Variants in INSC observed in about 807,000 individuals in gnomAD.
INSC encodes protein inscuteable homolog.
Under a neutral mutation model 58.6 loss-of-function variants are expected in INSC, and 67 were observed. That is an observed-to-expected ratio of 1.14 (90% CI 0.94 to 1.40). The LOEUF (loss-of-function observed/expected upper bound fraction) is 1.40. INSC is among the 40% of genes most tolerant of loss of function. The pLI, the probability that INSC is intolerant of heterozygous loss-of-function variation, is 0.00. For synonymous variants in INSC, 262 were observed against 276.1 expected, an observed-to-expected ratio of 0.95 and a Z score of 0.51; for missense variants, 714 against 692.0, an observed-to-expected ratio of 1.03 and a Z score of -0.36.
intron 3 of INSC, among the ~76,000 whole-genome samples, chr11:15,176,469 A>G (rs1208297323): frequency 1.3e-5 from 2 of 152,142 alleles, no homozygotes; most frequent in Non-Finnish European, 2.9e-5. Context: ...CCTAAAAGGT[A>G]TAATAATATA....
intron 6 of INSC, among the ~76,000 whole-genome samples, chr11:15,191,552 T>A (rs1038938447): frequency 1.3e-5 from 2 of 152,222 alleles, no homozygotes; most frequent in African/African-American, 4.8e-5. Context: ...GACATCATGT[T>A]TGTAAGACAT....
chr11:15,130,813 AT>A (rs1848107814), intron 1 of INSC, among the ~76,000 whole-genome samples: 1 of 152,076 alleles, frequency 6.6e-6, no homozygotes, highest in African/African-American at 2.4e-5. Flanking sequence ...TAACTTATTT[AT>A]GTTTTCAATG....
intron 9 of INSC, among the ~76,000 whole-genome samples, chr11:15,231,616 C>A (rs1345780780): frequency 6.6e-6 from 1 of 152,196 alleles, no homozygotes; most frequent in Non-Finnish European, 1.5e-5. Flanking sequence ...TAATAGAAAT[C>A]TAAATATTCA....
chr11:15,226,552 A>G (rs1175908723), intron 9 of INSC, among the ~76,000 whole-genome samples: 3 of 152,100 alleles, frequency 2.0e-5, no homozygotes, highest in African/African-American at 7.2e-5. Context: ...TGGGGGTGGT[A>G]GATTAGGTGG....
intron 1 of INSC, among the ~76,000 whole-genome samples, chr11:15,121,718 T>G (rs1291234162): frequency 6.6e-6 from 1 of 152,238 alleles, no homozygotes; most frequent in Non-Finnish European, 1.5e-5. Context: ...ATTTAGTAGT[T>G]GGCATTCTAC....
chr11:15,202,017 G>C (rs368672761), intron 7 of INSC, among the ~76,000 whole-genome samples: 1 of 152,158 alleles, frequency 6.6e-6, no homozygotes, highest in South Asian at 2.1e-4. Context: ...ATTGGGACAG[G>C]GTCATAGAAT....
chr11:15,167,456 G>A (rs1387473978), intron 2 of INSC, among the ~76,000 whole-genome samples: 3 of 151,966 alleles, frequency 2.0e-5, no homozygotes, highest in Admixed American at 6.6e-5. Flanking sequence ...ATAAATAACA[G>A]TTATTTTAAA....
At chr11:15,232,850 C>A (rs10832377) in intron 9 of INSC, among the ~76,000 whole-genome samples, 2 of 151,954 alleles carry the variant, frequency 1.3e-5, no homozygotes, top group East Asian at 1.9e-4. Context: ...CCTCTAGAAG[C>A]TGGAAAATAG....
At chr11:15,172,573 C>T (rs997750185) in intron 2 of INSC, among the ~76,000 whole-genome samples, 10 of 152,178 alleles carry the variant, frequency 6.6e-5, no homozygotes, top group Non-Finnish European at 8.8e-5. Flanking sequence ...AGGGGGAACT[C>T]ATGAGCTCTG....
intron 1 of INSC, among the ~76,000 whole-genome samples, chr11:15,130,895 A>G (rs1355084138): frequency 6.6e-6 from 1 of 151,840 alleles, no homozygotes; most frequent in African/African-American, 2.4e-5. Context: ...AATATCATTT[A>G]TTTGTTTCCT....
intron 2 of INSC, among the ~76,000 whole-genome samples, chr11:15,150,901 C>T (rs1244876452): frequency 6.6e-6 from 1 of 152,204 alleles, no homozygotes; most frequent in African/African-American, 2.4e-5. Context: ...AGTTCACTTC[C>T]TACCAGCTCT....
At chr11:15,130,160 GT>G (rs1848092104) in intron 1 of INSC, among the ~76,000 whole-genome samples, 1 of 152,150 alleles carries the variant, frequency 6.6e-6, no homozygotes, top group Admixed American at 6.5e-5. Flanking sequence ...TCTTTATTTT[GT>G]TTCTGATCTC....
intron 9 of INSC, among the ~76,000 whole-genome samples, chr11:15,233,851 T>C (rs1222975914): frequency 1.3e-5 from 2 of 152,148 alleles, no homozygotes; most frequent in African/African-American, 4.8e-5. Flanking sequence ...GAGTCCATGC[T>C]TTCTGCTAAC....
intron 1 of INSC, among the ~76,000 whole-genome samples, chr11:15,146,859 T>C (rs181618944): frequency 6.6e-6 from 1 of 152,328 alleles, no homozygotes; most frequent in East Asian, 1.9e-4. Flanking sequence ...TTTTTTTTTC[T>C]CTCTGGATCC....
downstream of INSC, among the ~76,000 whole-genome samples, chr11:15,248,269 T>G (rs1852613197): frequency 6.6e-6 from 1 of 152,196 alleles, no homozygotes. Context: ...TTTTAAAAAT[T>G]TAAGTGTGTG....
At chr11:15,136,512 A>G (rs992720626) in intron 1 of INSC, among the ~76,000 whole-genome samples, 1 of 152,182 alleles carries the variant, frequency 6.6e-6, no homozygotes, top group Admixed American at 6.6e-5. Context: ...ACTTCTTTCA[A>G]AATTGGAGTT....
At chr11:15,238,885 G>A in intron 10 of INSC, 34 bp from the exon 11 acceptor site, 1 of 1,602,330 alleles carries the variant, frequency 6.2e-7, no homozygotes, top group Non-Finnish European at 8.5e-7. Context: ...TCCATGCTGG[G>A]GTAGGTACCA....
At chr11:15,156,863 A>T (rs1469434846) in intron 2 of INSC, among the ~76,000 whole-genome samples, 2 of 152,232 alleles carry the variant, frequency 1.3e-5, no homozygotes, top group African/African-American at 4.8e-5. Flanking sequence ...ACACTGTTTC[A>T]TACTGCAATT....
chr11:15,154,803 C>CTT (rs55738495), intron 2 of INSC, among the ~76,000 whole-genome samples: 23 of 151,148 alleles, frequency 1.5e-4, no homozygotes, highest in South Asian at 1.5e-3. Flanking sequence ...GCTTTTGTCC[C>CTT]TTTTTTTTTG....
Sources: gnomAD v4.1 joint callset for allele counts (sites outside exome capture counted in the v4.1 genomes callset) on GRCh38, gnomAD v4.1.1 for gene constraint, MANE v1.5 for transcripts, NCBI Gene and HGNC (gene_info 2026-07-23, HGNC 2026-07-21) for gene names.